Variants in RBFOX1 observed in about 807,000 individuals in gnomAD.
RBFOX1 encodes the protein RNA binding protein fox-1 homolog 1.
In RBFOX1, 8 loss-of-function variants were observed where a neutral mutation model predicts 57.7. That is an observed-to-expected ratio of 0.14 (90% confidence interval 0.08 to 0.25). The LOEUF (loss-of-function observed/expected upper bound fraction) is 0.25. Ranked by LOEUF, RBFOX1 falls within the 10% of genes least tolerant of loss-of-function variation. The pLI is 1.00. For synonymous variants in RBFOX1, 326 were observed against 222.4 expected, an observed-to-expected ratio of 1.47 and a Z score of -4.15; for missense variants, 611 against 548.5, an observed-to-expected ratio of 1.11 and a Z score of -1.14.
At chr16:7,031,922 GCTTT>G (rs1192919888) in intron 3 of RBFOX1, among the ~76,000 whole-genome samples, 4 of 152,078 alleles carry the variant, frequency 2.6e-5, no homozygotes, top group Non-Finnish European at 5.9e-5. Context: ...CGGAGGCCCT[GCTTT>G]CTTCCAGCAG....
At chr16:5,862,083 C>A (rs977992815) in intron 3 of RBFOX1, among the ~76,000 whole-genome samples, 1 of 152,212 alleles carries the variant, frequency 6.6e-6, no homozygotes, top group African/African-American at 2.4e-5. Context: ...GTGTGTCATT[C>A]ATTTCATACG....
chr16:6,519,419 G>A (rs911110869), intron 2 of RBFOX1, among the ~76,000 whole-genome samples: 1 of 152,180 alleles, frequency 6.6e-6, no homozygotes, highest in East Asian at 1.9e-4. Context: ...TGGAAACTGT[G>A]GCTGGGCGCA....
intron 7 of RBFOX1, among the ~76,000 whole-genome samples, chr16:7,592,500 G>A (rs578096623): frequency 6.6e-6 from 1 of 152,302 alleles, no homozygotes; most frequent in East Asian, 1.9e-4. Context: ...CAGTGCTGTG[G>A]TAATAATGAC....
intron 1 of RBFOX1, among the ~76,000 whole-genome samples, chr16:6,225,319 A>G (rs1050900700): frequency 1.3e-5 from 2 of 152,160 alleles, no homozygotes; most frequent in Non-Finnish European, 1.5e-5. Context: ...AAGCATTGCT[A>G]TAACTTGCGT....
chr16:6,008,990 T>C (rs1277308413), intron 4 of RBFOX1, among the ~76,000 whole-genome samples: 1 of 152,176 alleles, frequency 6.6e-6, no homozygotes, highest in Non-Finnish European at 1.5e-5. Context: ...CCTTCTTTTA[T>C]TGGTCTATTA....
Position 6,560,891 on chromosome 16 carries a change from G to A in RBFOX1, c.-63-93712G>A, listed in dbSNP as rs572179801. On this transcript the variant is annotated intron_variant, in intron 2 of 15. Transcript: ENST00000550418. ...TGTCCAATAAATATTTAATGTGAAA[G>A]GATAAAATGAATGCAGGCCACATCA... Among the ~76,000 whole-genome samples the A allele has an allele frequency of 7.2e-5, 11 of 152,222 alleles. No homozygotes were observed. The East Asian group carries it at 1.9e-3, about 27-fold the overall frequency.
chr16:6,517,064 T>C (rs1236696747), intron 2 of RBFOX1, among the ~76,000 whole-genome samples: 2 of 152,180 alleles, frequency 1.3e-5, no homozygotes, highest in East Asian at 3.9e-4. Flanking sequence ...ATTCCAAATA[T>C]AGAGGTGGAA....
At chr16:6,697,325 C>T (rs769021302) in intron 3 of RBFOX1, among the ~76,000 whole-genome samples, 2 of 152,080 alleles carry the variant, frequency 1.3e-5, no homozygotes, top group Non-Finnish European at 1.5e-5. Flanking sequence ...CTAAGCTTGC[C>T]AGAGGAAGTC....
chr16:6,692,690 C>G (rs961722522), intron 3 of RBFOX1, among the ~76,000 whole-genome samples: 5 of 151,840 alleles, frequency 3.3e-5, no homozygotes, highest in Non-Finnish European at 7.4e-5. Flanking sequence ...TAACCAACAC[C>G]TAGTTGAAAT....
At chr16:6,183,262 G>T (rs900261046) in intron 1 of RBFOX1, among the ~76,000 whole-genome samples, 5 of 151,780 alleles carry the variant, frequency 3.3e-5, no homozygotes, top group African/African-American at 4.8e-5. Flanking sequence ...GGGCAGATCA[G>T]GAGGTCAGGA....
intron 1 of RBFOX1, among the ~76,000 whole-genome samples, chr16:6,208,427 G>GCC (rs71142693): frequency 0.97 from 148,342 of 152,168 alleles, 72,405 homozygotes; most frequent in East Asian, 1. Flanking sequence ...TGTGCTTAGT[G>GCC]TAAGGTGTGT....
chr16:6,031,450 T>A (rs1015348452), intron 1 of RBFOX1, among the ~76,000 whole-genome samples: 7 of 152,184 alleles, frequency 4.6e-5, no homozygotes, highest in Non-Finnish European at 8.8e-5. Context: ...CCATCCTTTA[T>A]AAGCATATTC....
intron 3 of RBFOX1, among the ~76,000 whole-genome samples, chr16:7,019,102 G>T (rs1056002635): frequency 2.6e-5 from 4 of 152,110 alleles, no homozygotes; most frequent in African/African-American, 9.7e-5. Context: ...GTGTGTGTAT[G>T]TGTAAAGACT....
At chr16:6,856,142 CTTCCCTTTACCTTCCT>C (rs563285430) in intron 3 of RBFOX1, among the ~76,000 whole-genome samples, 7 of 151,862 alleles carry the variant, frequency 4.6e-5, no homozygotes, top group East Asian at 3.9e-4. Context: ...TTTACCTTCC[CTTCCCTTTACCTTCCT>C]TGCTTCCTTT....
At chr16:5,482,128 G>A (rs1213530477) in intron 2 of RBFOX1, among the ~76,000 whole-genome samples, 1 of 152,170 alleles carries the variant, frequency 6.6e-6, no homozygotes, top group East Asian at 1.9e-4. Flanking sequence ...ATAAACACAT[G>A]AGCCATCATT....
intron 3 of RBFOX1, among the ~76,000 whole-genome samples, chr16:6,842,572 T>C (rs1360132707): frequency 6.6e-6 from 1 of 152,204 alleles, no homozygotes; most frequent in Non-Finnish European, 1.5e-5. Context: ...TCTGCAGTGT[T>C]CCATTGTATA....
intron 3 of RBFOX1, among the ~76,000 whole-genome samples, chr16:6,851,764 A>G (rs2094079640): frequency 6.6e-6 from 1 of 152,224 alleles, no homozygotes; most frequent in South Asian, 2.1e-4. Context: ...CACAGGCAGA[A>G]GGACTGGCAG....
chr16:5,354,789 C>T (rs1055357769), intron 1 of RBFOX1, among the ~76,000 whole-genome samples: 4 of 152,190 alleles, frequency 2.6e-5, no homozygotes, highest in Non-Finnish European at 4.4e-5. Flanking sequence ...GGAGTGGAGA[C>T]ACCACCTGCA....
intron 10 of RBFOX1, among the ~76,000 whole-genome samples, chr16:7,623,373 G>T (rs9939631): frequency 0.25 from 38,303 of 152,022 alleles, 6,420 homozygotes; most frequent in African/African-American, 0.48. Context: ...TGTAGAATCA[G>T]TGGGAGCCCT....
Sources: gnomAD v4.1 joint callset for allele counts (sites outside exome capture counted in the v4.1 genomes callset) on GRCh38, gnomAD v4.1.1 for gene constraint, MANE v1.5 for transcripts, NCBI Gene and HGNC (gene_info 2026-07-23, HGNC 2026-07-21) for gene names.